Variants in PSG5 observed in about 807,000 individuals in gnomAD.
PSG5 encodes pregnancy specific beta-1-glycoprotein 5, also known as pregnancy-specific beta-1-glycoprotein 5.
In PSG5, 53 loss-of-function variants were observed where a neutral mutation model predicts 37.7. That is an observed-to-expected ratio of 1.41 (90% CI 1.13 to 1.77). PSG5 has a LOEUF of 1.77. Among genes scored for constraint, PSG5 ranks in the 40% most tolerant of loss-of-function variants. The pLI, the probability that PSG5 is intolerant of heterozygous loss-of-function variation, is 0.00. For missense variants in PSG5, 547 were observed against 405.2 expected (o/e 1.35, Z -3.00); for synonymous variants, 221 against 155.4 (o/e 1.42, Z -3.14).
chr19:43,185,792 G>C (rs1387519710), intron 1 of PSG5, among the ~76,000 whole-genome samples: 1 of 150,038 alleles, frequency 6.7e-6, no homozygotes, highest in Non-Finnish European at 1.5e-5. Flanking sequence ...TTCATGTCCT[G>C]CTTATACTTT....
intron 1 of PSG5, 112 bp from the exon 2 acceptor site, chr19:43,185,259 CACACACAA>C: frequency 1.6e-6 from 2 of 1,284,186 alleles, no homozygotes; most frequent in Non-Finnish European, 2.2e-6. Context: ...AAGACACACA[CACACACAA>C]ACACACACAC....
intron 2 of PSG5, among the ~76,000 whole-genome samples, chr19:43,177,013 C>G (rs1372233969): frequency 1.3e-5 from 2 of 151,752 alleles, no homozygotes; most frequent in Admixed American, 1.3e-4. Context: ...TGCTGGAAAT[C>G]TGGTCCTCAT....
intron 2 of PSG5, chr19:43,179,091 A>C (rs148742819): frequency 9.9e-6 from 16 of 1,611,168 alleles, no homozygotes; most frequent in African/African-American, 6.7e-5. Flanking sequence ...ACAGGTTAAG[A>C]TCACAGCCTC....
At chr19:43,183,415 T>G (rs772423621) in intron 2 of PSG5, 1 of 528,646 alleles carries the variant, frequency 1.9e-6, no homozygotes, top group South Asian at 1.4e-5. Flanking sequence ...TTCCTTCATT[T>G]GTTATGTGAG....
rs1489070071 is a variant in PSG5 at position 43,175,336 on chromosome 19, T to C, written c.843A>G (p.Gln281=). 1.9e-6 allele frequency: 3 copies of C among 1,612,740 alleles called. No individual in the cohort carries two copies. The highest frequency in any genetic ancestry group is 2.7e-5 in the African/African-American group (2 of 74,596). ...GGGGGATAGAGAGCTTTTGTCCTGA[T>C]TGCTGAAACTTCCCATTAATTGTCC... ...YFWTINGKFQ[Q]SGQKLSIPQI... Residue 281 remains glutamine, a synonymous_variant, in exon 4 of 6, where the codon CAA becomes CAG. Coordinates refer to ENST00000342951, the MANE Select transcript of PSG5 (RefSeq NM_002781.4).
rs138595944 is a variant in PSG5 at position 43,184,783 on chromosome 19, G to C, written c.429C>G (p.Tyr143Ter). The change falls in exon 2 of 6, where the codon TAC becomes TAG. Residue 143 changes from tyrosine (Y) to a stop codon, truncating the protein, a stop_gained and splice_region_variant. Coordinates refer to ENST00000342951, the MANE Select transcript of PSG5 (RefSeq NM_002781.4). LOFTEE classifies it high-confidence loss of function. ...CAGGGATCATGTGGAATCACTCACG[G>C]TATAAGTTGAAGGTGAAATATCCAG... ...GVTGYFTFNLYLKLPKPYITI... is the reference protein window; with the variant it reads ...GVTGYFTFNL 3 of 1,612,062 alleles carry C rather than the reference G, an allele frequency of 1.9e-6. No homozygotes were observed. The highest frequency in any genetic ancestry group is 1.7e-5 in the Admixed American group (1 of 59,838).
At chr19:43,185,181 G>C in intron 1 of PSG5, 34 bp from the exon 2 acceptor site, 4 of 1,569,672 alleles carry the variant, frequency 2.5e-6, no homozygotes, top group Non-Finnish European at 3.5e-6. Context: ...TCAATATTGA[G>C]ACCTGTGTAT....
chr19:43,169,359 G>A (rs1968854836), intron 5 of PSG5, among the ~76,000 whole-genome samples: 1 of 151,602 alleles, frequency 6.6e-6, no homozygotes, highest in East Asian at 1.9e-4. Context: ...CGTTCTCCAT[G>A]AGGTCAGATG....
rs1966947173 is a variant in PSG5, at chr19:43,186,462, C to T, written c.-57G>A. 2 of 1,607,160 alleles carry T rather than the reference C, an allele frequency of 1.2e-6. No homozygotes were observed. Among genetic ancestry groups the T allele is most frequent in the East Asian group, 2.2e-5 (1 of 44,794 alleles). ...AGCTGAGCCTAGGATCCAGAAACTT[C>T]CTGAGCACGGCTGTAGGCTGTGCTG... is the stretch of plus-strand genomic sequence containing the variant. On this transcript the variant is annotated 5_prime_UTR_variant, in exon 1 of 6. Transcript: ENST00000342951.
At chr19:43,173,355 G>T (rs2122208116) in intron 4 of PSG5, among the ~76,000 whole-genome samples, 1 of 151,602 alleles carries the variant, frequency 6.6e-6, no homozygotes, top group East Asian at 1.9e-4. Context: ...TGGATTAATT[G>T]GACTTCACAA....
chr19:43,178,970 A>G (rs1969069895), intron 2 of PSG5: 2 of 1,612,742 alleles, frequency 1.2e-6, no homozygotes, highest in East Asian at 4.5e-5. Context: ...ACTTTGTGAC[A>G]CCAAATATAA....
chr19:43,175,542 C>A, intron 3 of PSG5, 73 bp from the exon 4 acceptor site: 4 of 1,532,508 alleles, frequency 2.6e-6, no homozygotes, highest in Non-Finnish European at 3.5e-6. Context: ...CTTAAAGGGA[C>A]ACAGTGACCC....
chr19:43,183,790 GC>G (rs1202120980), intron 2 of PSG5, among the ~76,000 whole-genome samples: 1 of 151,502 alleles, frequency 6.6e-6, no homozygotes, highest in African/African-American at 2.4e-5. Context: ...GCCTGTGGCT[GC>G]AGACAGACCT....
intron 5 of PSG5, among the ~76,000 whole-genome samples, chr19:43,169,103 A>G (rs1008671395): frequency 2.0e-5 from 3 of 151,466 alleles, no homozygotes; most frequent in Non-Finnish European, 2.9e-5. Context: ...AGTGATTCCA[A>G]TGTGTAGCTC....
chr19:43,177,424 C>G (rs984735442), intron 2 of PSG5, among the ~76,000 whole-genome samples: 4 of 151,396 alleles, frequency 2.6e-5, no homozygotes, highest in Non-Finnish European at 4.4e-5. Flanking sequence ...GATTCAAAAT[C>G]TAAAATGCTC....
chr19:43,182,796 C>G (rs1969157572), intron 2 of PSG5, among the ~76,000 whole-genome samples: 1 of 143,350 alleles, frequency 7.0e-6, no homozygotes, highest in Non-Finnish European at 1.5e-5. Flanking sequence ...GTCCCATTGT[C>G]TTGTCCACAG....
intron 3 of PSG5, 87 bp downstream of exon 3, chr19:43,175,783 G>A (rs892153658): frequency 6.3e-7 from 1 of 1,580,158 alleles, no homozygotes; most frequent in Non-Finnish European, 8.6e-7. Flanking sequence ...GTCTATACTT[G>A]GACCGGAGAA....
chr19:43,180,629 A>C (rs1029459302), intron 2 of PSG5: 2 of 151,668 alleles, frequency 1.3e-5, no homozygotes, highest in African/African-American at 2.4e-5. Context: ...GGAAACATTA[A>C]AATGTTTTCA....
chr19:43,182,374 T>C (rs1969146430), intron 2 of PSG5, among the ~76,000 whole-genome samples: 1 of 150,162 alleles, frequency 6.7e-6, no homozygotes, highest in Non-Finnish European at 1.5e-5. Flanking sequence ...GAACATGAGA[T>C]TGGTCTTTTG....
Sources: allele counts gnomAD v4.1 joint callset (sites outside exome capture counted in the v4.1 genomes callset), GRCh38; gene constraint gnomAD v4.1.1; transcripts MANE v1.5; gene names NCBI Gene and HGNC (gene_info 2026-07-23, HGNC 2026-07-21).